Variants in JAKMIP2 observed in about 807,000 individuals in gnomAD.
JAKMIP2 encodes janus kinase and microtubule-interacting protein 2.
A neutral mutation model predicts 115.0 loss-of-function variants in JAKMIP2; 25 were observed. The observed-to-expected ratio is 0.22, with a 90% confidence interval of 0.16 to 0.30. JAKMIP2 has a LOEUF of 0.30. JAKMIP2 is among the 10% of genes least tolerant of loss of function. The pLI is 1.00. For synonymous variants in JAKMIP2, 334 were observed against 343.6 expected (o/e 0.97, Z 0.31); for missense variants, 642 against 957.6 (o/e 0.67, Z 4.35).
At chr5:147,615,042 C>T (rs1561848398) in intron 19 of JAKMIP2, among the ~76,000 whole-genome samples, 1 of 152,158 alleles carries the variant, frequency 6.6e-6, no homozygotes, top group Non-Finnish European at 1.5e-5. Flanking sequence ...GCACTTATTG[C>T]CACTCTCAGA....
intron 14 of JAKMIP2, among the ~76,000 whole-genome samples, chr5:147,630,796 C>G (rs1424520664): frequency 2.6e-5 from 4 of 152,270 alleles, no homozygotes; most frequent in African/African-American, 9.6e-5. Context: ...TGTGATTTCA[C>G]TGAAGGACAA....
At chr5:147,744,341 G>A (rs534833666) in intron 1 of JAKMIP2, among the ~76,000 whole-genome samples, 1 of 152,210 alleles carries the variant, frequency 6.6e-6, no homozygotes, top group East Asian at 1.9e-4. Flanking sequence ...CCCTTTATGT[G>A]ACACCATTAA....
chr5:147,722,054 T>A (rs534576361), intron 1 of JAKMIP2, among the ~76,000 whole-genome samples: 1 of 152,308 alleles, frequency 6.6e-6, no homozygotes, highest in South Asian at 2.1e-4. Context: ...TGAGTTTTCA[T>A]AAATAATTTA....
At chr5:147,596,824 CTTTCCTTATCCA>C in intron 21 of JAKMIP2, among the ~76,000 whole-genome samples, 1 of 152,148 alleles carries the variant, frequency 6.6e-6, no homozygotes, top group South Asian at 2.1e-4. Flanking sequence ...TCATCTTAGA[CTTTCCTTATCCA>C]TGTAAAAACT....
intron 21 of JAKMIP2, among the ~76,000 whole-genome samples, chr5:147,600,087 G>GTTTT (rs369043130): frequency 1.2e-4 from 8 of 67,936 alleles, no homozygotes; most frequent in African/African-American, 5.0e-4. Context: ...TTTATTTACT[G>GTTTT]TTTTTTTTTT....
At chr5:147,747,656 T>TC (rs1754394984) in intron 1 of JAKMIP2, among the ~76,000 whole-genome samples, 1 of 152,126 alleles carries the variant, frequency 6.6e-6, no homozygotes, top group Non-Finnish European at 1.5e-5. Flanking sequence ...TGAGAGACTG[T>TC]CCACTCAGAA....
intron 21 of JAKMIP2, chr5:147,595,292 T>A: frequency 3.0e-6 from 1 of 331,698 alleles, no homozygotes; most frequent in Non-Finnish European, 6.2e-6. Context: ...GCAAGAGTAT[T>A]AACAGGTGAG....
chr5:147,707,167 G>A (rs989609509), intron 1 of JAKMIP2, among the ~76,000 whole-genome samples: 2 of 152,098 alleles, frequency 1.3e-5, no homozygotes, highest in African/African-American at 4.8e-5. Flanking sequence ...AAATGAACAC[G>A]TGCTCTTAGT....
At chr5:147,686,391 A>T (rs765180410) in intron 1 of JAKMIP2, among the ~76,000 whole-genome samples, 1 of 152,108 alleles carries the variant, frequency 6.6e-6, no homozygotes, top group Non-Finnish European at 1.5e-5. Context: ...AGCCTCTCTC[A>T]CGCATATCTT....
At chr5:147,687,809 T>G (rs1760643690) in intron 1 of JAKMIP2, among the ~76,000 whole-genome samples, 2 of 152,214 alleles carry the variant, frequency 1.3e-5, no homozygotes, top group South Asian at 4.1e-4. Context: ...CCAAGCACAG[T>G]ATTTACCACT....
At chr5:147,730,132 G>C (rs945084239) in intron 1 of JAKMIP2, among the ~76,000 whole-genome samples, 4 of 152,262 alleles carry the variant, frequency 2.6e-5, no homozygotes, top group Admixed American at 2.6e-4. Flanking sequence ...TGGCACACTC[G>C]GTGATTTCCT....
intron 10 of JAKMIP2, among the ~76,000 whole-genome samples, chr5:147,638,750 T>C (rs1310169052): frequency 6.6e-6 from 1 of 152,118 alleles, no homozygotes; most frequent in Admixed American, 6.5e-5. Flanking sequence ...GAGGCAATTA[T>C]AGCCTGGTGA....
At chr5:147,723,440 C>A (rs1375619162) in intron 1 of JAKMIP2, among the ~76,000 whole-genome samples, 1 of 151,898 alleles carries the variant, frequency 6.6e-6, no homozygotes, top group Non-Finnish European at 1.5e-5. Flanking sequence ...ATGGTATGTT[C>A]TATTACAATT....
intron 4 of JAKMIP2, among the ~76,000 whole-genome samples, chr5:147,649,745 TC>T (rs1366297230): frequency 1.2e-4 from 19 of 152,278 alleles, no homozygotes; most frequent in African/African-American, 3.8e-4. Flanking sequence ...ATAATACATT[TC>T]CATTATTATA....
chr5:147,662,852 G>A (rs1282947386), intron 2 of JAKMIP2, among the ~76,000 whole-genome samples: 1 of 152,070 alleles, frequency 6.6e-6, no homozygotes, highest in Non-Finnish European at 1.5e-5. Context: ...GGGCGTGGTG[G>A]CAGGCACCTG....
chr5:147,632,802 AG>A, intron 12 of JAKMIP2, 24 bp from the exon 13 acceptor site: 1 of 1,492,720 alleles, frequency 6.7e-7, no homozygotes, highest in South Asian at 1.1e-5. Flanking sequence ...TCCTGAAGTT[AG>A]GTAAGCATTG....
intron 21 of JAKMIP2, chr5:147,595,280 G>A (rs1755311157): frequency 6.4e-5 from 20 of 314,954 alleles, no homozygotes; most frequent in South Asian, 5.4e-4. Flanking sequence ...TTAATCCCCA[G>A]TGCAAGAGTA....
intron 1 of JAKMIP2, among the ~76,000 whole-genome samples, chr5:147,672,877 C>T (rs773373196): frequency 1.3e-4 from 20 of 152,090 alleles, no homozygotes; most frequent in Non-Finnish European, 2.9e-4. Flanking sequence ...TTAATTACAC[C>T]CCTAAATGTG....
intron 16 of JAKMIP2, among the ~76,000 whole-genome samples, chr5:147,625,741 T>C (rs977275673): frequency 2.6e-5 from 4 of 152,164 alleles, no homozygotes; most frequent in Non-Finnish European, 2.9e-5. Flanking sequence ...TTTCCTCATG[T>C]ATAAAATAAA....
Sources: gnomAD v4.1 joint callset for allele counts (sites outside exome capture counted in the v4.1 genomes callset) on GRCh38, gnomAD v4.1.1 for gene constraint, MANE v1.5 for transcripts, NCBI Gene and HGNC (gene_info 2026-07-23, HGNC 2026-07-21) for gene names.